Variants in RIN3 observed in about 807,000 individuals in gnomAD.
RIN3 encodes Ras and Rab interactor 3.
A neutral mutation model predicts 76.3 loss-of-function variants in RIN3; 54 were observed. That is an observed-to-expected ratio of 0.71 (90% CI 0.57 to 0.89). The LOEUF (loss-of-function observed/expected upper bound fraction) is 0.89, where lower values mean the gene tolerates loss of function less well. Among genes scored for constraint, RIN3 ranks in the 40% least tolerant of loss-of-function variants. The pLI, the probability that RIN3 is intolerant of heterozygous loss-of-function variation, is 0.00. For synonymous variants in RIN3, 576 were observed against 564.0 expected (o/e 1.02, Z -0.30); for missense variants, 1,256 against 1,322.1 (o/e 0.95, Z 0.78).
intron 4 of RIN3, among the ~76,000 whole-genome samples, chr14:92,632,843 A>G (rs1464221964): frequency 2.0e-5 from 3 of 152,218 alleles, no homozygotes; most frequent in African/African-American, 4.8e-5. Flanking sequence ...TGGGAAAGCT[A>G]TGGGCAGCCT....
intron 1 of RIN3, among the ~76,000 whole-genome samples, chr14:92,538,712 G>T (rs978556309): frequency 2.0e-5 from 3 of 152,156 alleles, no homozygotes; most frequent in African/African-American, 7.2e-5. Context: ...CCTGCACACA[G>T]CCCAGCTCAA....
chr14:92,622,808 A>G (rs925876943), intron 4 of RIN3, among the ~76,000 whole-genome samples: 1 of 152,244 alleles, frequency 6.6e-6, no homozygotes, highest in Non-Finnish European at 1.5e-5. Flanking sequence ...ACCTTTTAGA[A>G]TAGAACAAAG....
At chr14:92,592,910 A>C (rs1357777568) in intron 3 of RIN3, among the ~76,000 whole-genome samples, 1 of 151,602 alleles carries the variant, frequency 6.6e-6, no homozygotes, top group Non-Finnish European at 1.5e-5. Context: ...CTGACCTCAG[A>C]TGATCCACCT....
At chr14:92,612,183 G>A (rs945242073) in intron 3 of RIN3, among the ~76,000 whole-genome samples, 1 of 152,162 alleles carries the variant, frequency 6.6e-6, no homozygotes, top group African/African-American at 2.4e-5. Context: ...CATATCACCT[G>A]TTTTATAGGT....
chr14:92,568,243 G>A lies in RIN3; in HGVS notation c.250-9117G>A, dbSNP rs12587596. 1.2e-3 allele frequency among the ~76,000 whole-genome samples: 180 copies of A among 152,248 alleles called. 6 individuals carry two copies. In the East Asian group the frequency reaches 0.029, roughly 25 times the overall value. On this transcript the variant is annotated intron_variant, in intron 2 of 9. Transcript: ENST00000216487. This position sits in a 1 kb window ranked among gnomAD's most constrained non-coding sequence, Gnocchi z 4.2. The stretch of plus-strand genomic sequence containing the variant: ...GTCCTTCGGCTCCCCATCCCACCAT[G>A]TACTCACTTGTAACAGCCATCATGG...
chr14:92,609,582 G>A (rs1167002211), intron 3 of RIN3, among the ~76,000 whole-genome samples: 2 of 152,208 alleles, frequency 1.3e-5, no homozygotes, highest in African/African-American at 2.4e-5. Flanking sequence ...GGGCAGAAGC[G>A]GGTGCTGGAC....
intron 2 of RIN3, chr14:92,576,262 G>A: frequency 7.8e-7 from 1 of 1,288,058 alleles, no homozygotes; most frequent in Non-Finnish European, 1.0e-6. Context: ...TTTGTGAAAG[G>A]CAGCAGAATC....
At chr14:92,543,229 C>T (rs1021129834) in intron 1 of RIN3, among the ~76,000 whole-genome samples, 2 of 151,982 alleles carry the variant, frequency 1.3e-5, no homozygotes, top group Non-Finnish European at 2.9e-5. Context: ...GATGCACAAG[C>T]CATGTTCACA....
chr14:92,596,735 G>A (rs770324710), intron 3 of RIN3, among the ~76,000 whole-genome samples: 2 of 152,210 alleles, frequency 1.3e-5, no homozygotes, highest in African/African-American at 2.4e-5. Flanking sequence ...GAGTTGTGCA[G>A]AAAGGGGGCA....
chr14:92,561,952 C>T (rs1897789575), intron 2 of RIN3, among the ~76,000 whole-genome samples: 1 of 152,218 alleles, frequency 6.6e-6, no homozygotes, highest in African/African-American at 2.4e-5. Flanking sequence ...TCCCATACCA[C>T]TGGGATTACA....
rs34391787 is a variant in RIN3, at chr14:92,534,239, A to ATTT, written c.44+20282_44+20284dup. Among the ~76,000 whole-genome samples, 1,226 of 126,570 alleles carry ATTT rather than the reference A, an allele frequency of 9.7e-3. 32 individuals are homozygous for ATTT. The highest frequency in any genetic ancestry group is 0.035 in the African/African-American group (1,177 of 33,634). 83.0% of individuals were successfully genotyped at this position (126,570 alleles called of 152,430 possible). A position where few individuals can be genotyped will look rare whatever the true frequency, so the allele number is the denominator to read the frequency against. Reference sequence around the variant, plus strand: ...AAAAAAATATCCTTTGAGTCATGTCATTTTTTTTTTTTTTTTTTTTTACAG... The same window carrying ATTT: ...AAAAAAATATCCTTTGAGTCATGTCATTTTTTTTTTTTTTTTTTTTTTTTACAG... On this transcript the variant is annotated intron_variant, in intron 1 of 9. Transcript: ENST00000216487.
chr14:92,581,978 C>T (rs773599403), intron 3 of RIN3, among the ~76,000 whole-genome samples: 1 of 152,138 alleles, frequency 6.6e-6, no homozygotes, highest in Admixed American at 6.5e-5. Flanking sequence ...GCAGGGTGAT[C>T]AGACAGCACC....
chr14:92,642,635 C>A (rs1887057741), intron 5 of RIN3, among the ~76,000 whole-genome samples: 1 of 152,130 alleles, frequency 6.6e-6, no homozygotes, highest in South Asian at 2.1e-4. Flanking sequence ...GAAACAGTGA[C>A]CCAGAGGGCA....
chr14:92,621,716 A>T (rs73330137), intron 4 of RIN3, among the ~76,000 whole-genome samples: 23,226 of 152,226 alleles, frequency 0.15, 1,892 homozygotes, highest in African/African-American at 0.21. Context: ...AAACAATCGA[A>T]AACAAATGTT....
At chr14:92,635,808 A>G (rs1886753673) in intron 4 of RIN3, among the ~76,000 whole-genome samples, 5 of 152,172 alleles carry the variant, frequency 3.3e-5, no homozygotes, top group Admixed American at 3.3e-4. Context: ...AGCTGAGATC[A>G]CACCACTGCA....
At position 92,566,682 on chromosome 14, in the gene RIN3, GA is replaced by G. The variant is rs1897924146; in HGVS notation, c.250-10676del. Among the ~76,000 whole-genome samples, 2 of 152,156 alleles carry G rather than the reference GA, an allele frequency of 1.3e-5. 1 individual carries two copies. The highest frequency in any genetic ancestry group is 4.1e-4 in the South Asian group (2 of 4,830). ...ATTATGACCCCATTTCACAGAAAAA[GA>G]AGCCGCCCAGAAAGCTCAGATAGCT... On this transcript the variant is annotated intron_variant, in intron 2 of 9. Coordinates refer to ENST00000216487, the MANE Select transcript of RIN3 (RefSeq NM_024832.5).
intron 3 of RIN3, among the ~76,000 whole-genome samples, chr14:92,583,784 GC>G (rs1451765525): frequency 6.6e-6 from 1 of 152,206 alleles, no homozygotes; most frequent in Non-Finnish European, 1.5e-5. Flanking sequence ...TGGTGTATAT[GC>G]ACTGTATTTT....
At chr14:92,556,004 C>T (rs532247997) in intron 2 of RIN3, 49 bp downstream of exon 2, 454 of 1,507,338 alleles carry the variant, frequency 3.0e-4, no homozygotes, top group Non-Finnish European at 3.7e-4. Flanking sequence ...CTGTGAGGAA[C>T]TCAGGCGTGC....
chr14:92,651,497 GGACCCCGCCCACA>G (rs1566886309), intron 5 of RIN3, 72 bp from the exon 6 acceptor site: 23 of 551,932 alleles, frequency 4.2e-5, no homozygotes, highest in African/African-American at 5.8e-5. Context: ...TCCCACCCGT[GGACCCCGCCCACA>G]GACCCCGCCC....
Sources: gnomAD v4.1 joint callset for allele counts (sites outside exome capture counted in the v4.1 genomes callset) on GRCh38, gnomAD v4.1.1 for gene constraint, Gnocchi (gnomAD v3.1) non-coding constraint, MANE v1.5 for transcripts, NCBI Gene and HGNC (gene_info 2026-07-23, HGNC 2026-07-21) for gene names.